Variants in PCNX2 observed in about 807,000 individuals in gnomAD.
The protein encoded by PCNX2 is pecanex 2, also known as pecanex-like protein 2.
A neutral mutation model predicts 223.8 loss-of-function variants in PCNX2; 168 were observed. The observed-to-expected ratio is 0.75, with a 90% confidence interval of 0.66 to 0.85. The LOEUF (loss-of-function observed/expected upper bound fraction) is 0.85. Among genes scored for constraint, PCNX2 ranks in the 40% least tolerant of loss-of-function variants. PCNX2 has a pLI of 0.00. For synonymous variants in PCNX2, 1,006 were observed against 1,052.6 expected (o/e 0.96, Z 0.86); for missense variants, 2,507 against 2,675.5 (o/e 0.94, Z 1.39).
rs550446853 is a variant in PCNX2 at position 233,090,280 on chromosome 1, T to C, written c.3947-90A>G. ...AAATTTTGATGAGTTTTCACTAAAG[T>C]CATTTTTTCCACCAAAGAAAGAACA... On this transcript the variant is annotated intron_variant, in intron 22 of 33. Transcript: ENST00000258229. The C allele has an allele frequency of 5.6e-6, 8 of 1,429,388 alleles. No individual in the cohort carries two copies. In the East Asian group the frequency reaches 1.5e-4, roughly 26 times the overall value. The allele number at this position is 1,429,388 out of a possible 1,614,324, so 88.5% of individuals were successfully genotyped here.
At chr1:233,226,076 G>A (rs1657695915) in intron 10 of PCNX2, among the ~76,000 whole-genome samples, 1 of 152,198 alleles carries the variant, frequency 6.6e-6, no homozygotes, top group Admixed American at 6.5e-5. Context: ...GCCCCCAAGA[G>A]CTGGCATTAA....
At chr1:233,054,097 T>C (rs564006588) in intron 25 of PCNX2, among the ~76,000 whole-genome samples, 171 bp downstream of exon 25, 107 of 152,368 alleles carry the variant, frequency 7.0e-4, no homozygotes, top group African/African-American at 2.3e-3. Flanking sequence ...TATGTTTTTA[T>C]TCCTTCAGAT....
Position 233,252,435 on chromosome 1 carries a change from A to G in PCNX2, c.2047T>C (p.Leu683=), listed in dbSNP as rs1659510676. 6.2e-7 allele frequency: 1 copy of G among 1,613,728 alleles called. No homozygotes were observed. Among genetic ancestry groups the G allele is most frequent in the African/African-American group, 1.3e-5 (1 of 74,944 alleles). Residue 683 remains leucine (L), a synonymous_variant, in exon 7 of 34, where the codon TTG becomes CTG. Coordinates refer to ENST00000258229, the MANE Select transcript of PCNX2 (RefSeq NM_014801.4). The part of the protein sequence containing the change: ...RVTSQQDSSV[L]QVISGPETSV... ...GTTTCAGGCCCACTGATGACTTGCA[A>G]GACAGAACTATCTTGTTGGGAAGTT...
chr1:233,182,580 C>T (rs1321776748), intron 15 of PCNX2, among the ~76,000 whole-genome samples: 2 of 151,422 alleles, frequency 1.3e-5, no homozygotes, highest in Non-Finnish European at 2.9e-5. Flanking sequence ...ATGAAATCTA[C>T]TCCACAGGCG....
chr1:232,986,451 C>T lies in PCNX2; in HGVS notation c.5881G>A (p.Glu1961Lys). 3 of 1,607,304 alleles carry T rather than the reference C, an allele frequency of 1.9e-6. No individual in the cohort carries two copies. The highest frequency in any genetic ancestry group is 2.5e-6 in the Non-Finnish European group (3 of 1,176,816). ...PMLSSSGPIL[E>K]SRQTFLQTST... ...GTCTGGAGGAATGTTTGGCGGCTCT[C>T]TAAGATGGGGCCAGATGAGCTCAGC... is the stretch of plus-strand genomic sequence containing the variant. The change falls in exon 33 of 34, where the codon GAG (glutamate) becomes AAG (lysine). Residue 1961 changes from glutamate (E) to lysine (K), a missense_variant. Physicochemically the swap from Glu to Lys is moderately conservative, Grantham distance 56. Coordinates refer to ENST00000258229, the MANE Select transcript of PCNX2 (RefSeq NM_014801.4).
Position 233,258,849 on chromosome 1 carries a change from T to A in PCNX2, c.1013A>T (p.Gln338Leu), listed in dbSNP as rs376153733. Residue 338 changes from glutamine to leucine, a missense_variant, in exon 5 of 34, where the codon CAG becomes CTG. Gln to Leu is a moderately radical substitution (Grantham distance 113, BLOSUM62 -2). This residue lies in a region of PCNX2 where 1,031 missense variants were observed against 1,021.7 expected (regional missense o/e 1.01). Transcript: ENST00000258229. ...TTCCTGGTGCAAGGGCAGGTCCCCC[T>A]GGCAGGAGGTATCTACCTGACAGGA... ...DTSCQVDTSC[Q>L]GDLPLHQEVD... is the part of the protein sequence containing the mutation. 6.8e-6 allele frequency: 11 copies of A among 1,613,832 alleles called. No individual in the cohort carries two copies. The highest frequency in any genetic ancestry group is 6.8e-6 in the Non-Finnish European group (8 of 1,179,892).
chr1:233,175,511 A>T (rs1420747031), intron 17 of PCNX2, among the ~76,000 whole-genome samples: 1 of 152,190 alleles, frequency 6.6e-6, no homozygotes, highest in Non-Finnish European at 1.5e-5. Context: ...TTAGTCATGA[A>T]ATCAAGGAAG....
In PCNX2 at chr1:233,129,770, G is replaced by A. The variant is rs558159110; in HGVS notation, c.3837+5243C>T. On this transcript the variant is annotated intron_variant, in intron 21 of 33. Coordinates refer to ENST00000258229, the MANE Select transcript of PCNX2 (RefSeq NM_014801.4). ...TTGTAAACACACCAATCAGCACCCTGTCAAACGGACCAATCAGCTCTCCAT... is the reference window on the plus strand; with the variant it reads ...TTGTAAACACACCAATCAGCACCCTATCAAACGGACCAATCAGCTCTCCAT... 2.0e-5 allele frequency among the ~76,000 whole-genome samples: 3 copies of A among 152,324 alleles called. No individual in the cohort carries two copies. The East Asian group carries it at 5.8e-4, about 29-fold the overall frequency.
intron 23 of PCNX2, among the ~76,000 whole-genome samples, chr1:233,058,775 C>T (rs750671101): frequency 6.7e-6 from 1 of 148,642 alleles, no homozygotes; most frequent in Non-Finnish European, 1.5e-5. Context: ...AAGCGATTGT[C>T]CTGCCTCAGC....
rs762953968 is a variant in PCNX2 at position 233,160,379 on chromosome 1, G to A, written c.3421C>T (p.His1141Tyr). ...ALAGAVGFVT[H>Y]YVLPQLRKHH... is the part of the protein sequence containing the mutation. ...TTGCGGAGCTGAGGGAGCACGTAAT[G>A]TGTTACAAACCCCACGGCTCCAGCC... The change falls in exon 19 of 34, where the codon CAT becomes TAT. Residue 1141 changes from histidine (H) to tyrosine (Y), a missense_variant. His to Tyr is a moderately conservative substitution (Grantham distance 83, BLOSUM62 2). Coordinates refer to ENST00000258229, the MANE Select transcript of PCNX2 (RefSeq NM_014801.4). 5.6e-5 allele frequency: 90 copies of A among 1,613,344 alleles called. No individual in the cohort carries two copies. The highest frequency in any genetic ancestry group is 8.5e-7 in the Non-Finnish European group (1 of 1,179,492).
intron 7 of PCNX2, 107 bp from the exon 8 acceptor site, chr1:233,250,939 A>T: frequency 8.2e-7 from 1 of 1,214,848 alleles, no homozygotes; most frequent in Non-Finnish European, 1.1e-6. Flanking sequence ...TTGGTCTGTT[A>T]TAATAACTGT....
At chr1:233,226,833 C>G (rs913652095) in intron 10 of PCNX2, among the ~76,000 whole-genome samples, 1 of 152,190 alleles carries the variant, frequency 6.6e-6, no homozygotes, top group African/African-American at 2.4e-5. Flanking sequence ...CCAGTCAAGC[C>G]AGGCCCTGTG....
chr1:233,089,951 C>T (rs1052331626), intron 23 of PCNX2, 110 bp downstream of exon 23: 2 of 1,539,286 alleles, frequency 1.3e-6, no homozygotes, highest in African/African-American at 2.8e-5. Context: ...GGCCTGGCCC[C>T]ACAGCAGGGG....
intron 32 of PCNX2, among the ~76,000 whole-genome samples, chr1:232,997,999 CT>C (rs1669935755): frequency 6.6e-6 from 1 of 152,146 alleles, no homozygotes; most frequent in Non-Finnish European, 1.5e-5. Flanking sequence ...GCAGCGACCC[CT>C]GGACAGGTGG....
intron 23 of PCNX2, among the ~76,000 whole-genome samples, chr1:233,078,445 C>T (rs1201546986): frequency 6.6e-6 from 1 of 152,218 alleles, no homozygotes; most frequent in African/African-American, 2.4e-5. Context: ...TATGTCCTGC[C>T]TTTCTTTGTT....
the PCNX2 span, among the ~76,000 whole-genome samples, chr1:233,307,748 C>T: frequency 6.6e-6 from 1 of 152,144 alleles, no homozygotes; most frequent in African/African-American, 2.4e-5. Flanking sequence ...TAATCATTCC[C>T]GTTTTACAAG....
intron 12 of PCNX2, among the ~76,000 whole-genome samples, chr1:233,217,243 A>G (rs959147592): frequency 1.3e-5 from 2 of 152,346 alleles, no homozygotes; most frequent in Non-Finnish European, 2.9e-5. Context: ...TGATAACTAT[A>G]TGTGGTTATA....
At chr1:233,290,503 T>C (rs1044208216) in intron 1 of PCNX2, among the ~76,000 whole-genome samples, 1 of 152,206 alleles carries the variant, frequency 6.6e-6, no homozygotes, top group Non-Finnish European at 1.5e-5. Context: ...TTTTAAACTT[T>C]TTATAGTAAA....
chr1:233,015,198 AAAG>A (rs1362404503), intron 27 of PCNX2, among the ~76,000 whole-genome samples: 1 of 152,174 alleles, frequency 6.6e-6, no homozygotes, highest in African/African-American at 2.4e-5. Flanking sequence ...GTTCTCCCTA[AAAG>A]AAGGAGCCCT....
Sources: allele counts gnomAD v4.1 joint callset (sites outside exome capture counted in the v4.1 genomes callset), GRCh38; gene constraint gnomAD v4.1.1; regional missense constraint gnomAD v4.1.1; transcripts MANE v1.5; gene names NCBI Gene and HGNC (gene_info 2026-07-23, HGNC 2026-07-21).